The following TOP1MT variants were observed in gnomAD, a reference collection of about 807,000 sequenced individuals.
The protein encoded by TOP1MT is DNA topoisomerase I mitochondrial, also known as DNA topoisomerase I, mitochondrial.
Under a neutral mutation model 73.9 loss-of-function variants are expected in TOP1MT, and 80 were observed. The observed-to-expected ratio is 1.08, with a 90% CI of 0.90 to 1.30. The LOEUF (loss-of-function observed/expected upper bound fraction) is 1.30. Ranked by LOEUF, TOP1MT falls within the 50% of genes most tolerant of loss-of-function variation. The pLI is 0.00. For missense variants in TOP1MT, 815 were observed against 808.0 expected (o/e 1.01, Z -0.10); for synonymous variants, 338 against 326.4 (o/e 1.04, Z -0.38).
At chr8:143,324,243 CAGT>C (rs2130206473) in intron 6 of TOP1MT, 101 bp from the exon 7 acceptor site, 2 of 1,516,148 alleles carry the variant, frequency 1.3e-6, no homozygotes, top group Non-Finnish European at 1.8e-6. Context: ...CTTCTCCACT[CAGT>C]GGTGCCGTGG....
intron 12 of TOP1MT, among the ~76,000 whole-genome samples, chr8:143,312,201 T>C (rs1816031955): frequency 1.3e-5 from 2 of 152,204 alleles, no homozygotes; most frequent in Non-Finnish European, 2.9e-5. Flanking sequence ...TCATGAAATA[T>C]TAGATATTAT....
upstream of TOP1MT, chr8:143,359,146 G>GTAT: frequency 1.1e-6 from 1 of 885,638 alleles, no homozygotes. Flanking sequence ...CGGCCCTTAA[G>GTAT]TAGACTATTT....
intron 1 of TOP1MT, among the ~76,000 whole-genome samples, chr8:143,351,394 G>A (rs1215422340): frequency 2.0e-5 from 3 of 151,986 alleles, no homozygotes; most frequent in Non-Finnish European, 4.4e-5. Context: ...CCAACATGGC[G>A]AAACCCTGTC....
In TOP1MT at chr8:143,321,497, CACGCCA is replaced by C. The variant is rs1816357549; in HGVS notation, c.961-117_961-112del. On this transcript the variant is annotated intron_variant, in intron 7 of 13. Transcript: ENST00000329245. The stretch of plus-strand genomic sequence containing the variant: ...GCACGCCACACGCACGCCACACACG[CACGCCA>C]CACACACGCACTCCACACACGCACG... 33 of 725,650 alleles carry C rather than the reference CACGCCA, an allele frequency of 4.5e-5. 1 individual carries two copies. The highest frequency in any genetic ancestry group is 3.9e-5 in the Non-Finnish European group (19 of 487,074). The allele number at this position is 725,650 out of a possible 1,614,324, so 45.0% of individuals were successfully genotyped here. A position where few individuals can be genotyped will look rare whatever the true frequency, so the allele number is the denominator to read the frequency against.
At position 143,324,130 on chromosome 8, in the gene TOP1MT, A is replaced by G; in HGVS notation, c.829T>C (p.Trp277Arg). Residue 277 changes from tryptophan to arginine, a missense_variant, in exon 7 of 14, where the codon TGG becomes CGG. By Grantham distance (101) the Trp-to-Arg change is moderately radical. Around this residue, in one of 3 missense-constraint regions of TOP1MT, gnomAD observed 751 missense variants for 725.4 expected, o/e 1.04. Coordinates refer to ENST00000329245, the MANE Select transcript of TOP1MT (RefSeq NM_052963.3). ...PCSKLKGETA[W>R]QKFETARRLR... ...CGTCGAGCTGTTTCAAACTTCTGCC[A>G]AGCTGTCTCCCCCTAAACGAAGAAA... The G allele has an allele frequency of 6.2e-7, 1 of 1,613,726 alleles. No individual in the cohort carries two copies. Among genetic ancestry groups the G allele is most frequent in the East Asian group, 2.2e-5 (1 of 44,876 alleles).
chr8:143,319,450 C>A (rs1816268540), intron 8 of TOP1MT, among the ~76,000 whole-genome samples: 2 of 152,214 alleles, frequency 1.3e-5, no homozygotes, highest in Middle Eastern at 3.4e-3. Context: ...GTGGGCCTTG[C>A]GCCCAGCCTG....
At chr8:143,321,600 C>CTA in intron 7 of TOP1MT, among the ~76,000 whole-genome samples, 1 of 119,542 alleles carries the variant, frequency 8.4e-6, no homozygotes, top group Admixed American at 8.7e-5. Context: ...CGCACGCACG[C>CTA]CACACGCACG....
upstream of TOP1MT, chr8:143,334,923 C>CCCCCAGCGGCCAGCCCCGCCCCGA: frequency 7.7e-7 from 1 of 1,291,092 alleles, no homozygotes; most frequent in East Asian, 3.3e-5. Flanking sequence ...CCCCGCCCCG[C>CCCCCAGCGGCCAGCCCCGCCCCGA]CCCCAGCGGC....
chr8:143,357,236 C>T (rs971440102), upstream of TOP1MT, among the ~76,000 whole-genome samples: 3 of 151,120 alleles, frequency 2.0e-5, no homozygotes, highest in African/African-American at 7.3e-5. Context: ...ATAGGGAGAT[C>T]CCATCTCTAC....
At position 143,328,222 on chromosome 8, in the gene TOP1MT, C is replaced by G. The variant is rs1435205727; in HGVS notation, c.360+1128G>C. On this transcript the variant is annotated intron_variant, in intron 3 of 13. Transcript: ENST00000329245. Reference sequence around the variant, plus strand: ...AAAGACAGATTGATAAACGGCATAACTAAGTTACAGTTTTCTGTTTGGAGA... The same window carrying G: ...AAAGACAGATTGATAAACGGCATAAGTAAGTTACAGTTTTCTGTTTGGAGA... The G allele has an allele frequency of 4.4e-5, 20 of 455,996 alleles. No homozygotes were observed. In the East Asian group the frequency reaches 1.4e-3, roughly 32 times the overall value. The allele number at this position is 455,996 out of a possible 1,614,324, so 28.2% of individuals were successfully genotyped here.
intron 2 of TOP1MT, among the ~76,000 whole-genome samples, chr8:143,342,748 T>TTC (rs1464518137): frequency 2.3e-5 from 3 of 131,874 alleles, no homozygotes; most frequent in Non-Finnish European, 3.3e-5. Context: ...TCTCGCTCTG[T>TTC]TATTATTATT....
intron 1 of TOP1MT, 122 bp downstream of exon 1, chr8:143,334,618 C>A: frequency 7.0e-7 from 1 of 1,432,286 alleles, no homozygotes. Context: ...CTCTCCTGGC[C>A]CGACTTTTGG....
chr8:143,317,797 C>G lies in TOP1MT; in HGVS notation c.1256G>C (p.Gly419Ala). ...GGTCCGGAACACCTTGGCCGTCAGCCCGTCCATCAGCTCCTGGAGGTGCTT... is the reference window on the plus strand; with the variant it reads ...GGTCCGGAACACCTTGGCCGTCAGCGCGTCCATCAGCTCCTGGAGGTGCTT... ...LNKHLQELMD[G>A]LTAKVFRTYN... Residue 419 changes from glycine (G) to alanine (A), a missense_variant, in exon 10 of 14, where the codon GGG becomes GCG. Coordinates refer to ENST00000329245, the MANE Select transcript of TOP1MT (RefSeq NM_052963.3). The G allele has an allele frequency of 6.2e-7, 1 of 1,614,200 alleles. No individual in the cohort carries two copies. The highest frequency in any genetic ancestry group is 1.1e-5 in the South Asian group (1 of 91,088).
At chr8:143,358,579 CTT>C (rs1244881594), upstream of TOP1MT, 2 of 152,264 alleles carry the variant, frequency 1.3e-5, no homozygotes, top group African/African-American at 4.8e-5. Flanking sequence ...TTTGCTACCT[CTT>C]GAGAGCAACT....
intron 2 of TOP1MT, among the ~76,000 whole-genome samples, chr8:143,330,291 C>T (rs1347556036): frequency 6.6e-6 from 1 of 152,198 alleles, no homozygotes; most frequent in East Asian, 1.9e-4. Context: ...GCAGTCCTCG[C>T]CTGCCATGTC....
intron 4 of TOP1MT, among the ~76,000 whole-genome samples, chr8:143,325,901 T>C (rs1816695425): frequency 1.3e-5 from 2 of 152,158 alleles, no homozygotes; most frequent in South Asian, 2.1e-4. Flanking sequence ...TCCTGTTAGA[T>C]GTAGGGAGAC....
Position 143,321,318 on chromosome 8 carries a change from GA to G in TOP1MT, c.1028del (p.Leu343ProfsTer62). ...EAADTVGCCS[L>X]RVEHVQLHPE... Reference sequence around the variant, plus strand: ...GGTGCAGCTGGACGTGCTCCACGCGGAGGGAACAGCAGCCCACGGTGTCGGC... The same window carrying G: ...GGTGCAGCTGGACGTGCTCCACGCGGGGGAACAGCAGCCCACGGTGTCGGC... On this transcript the variant is annotated frameshift_variant, in exon 8 of 14. Coordinates refer to ENST00000329245, the MANE Select transcript of TOP1MT (RefSeq NM_052963.3). LOFTEE classifies it high-confidence loss of function. 5.6e-6 allele frequency: 9 copies of G among 1,611,572 alleles called. No homozygotes were observed. Among genetic ancestry groups the G allele is most frequent in the Non-Finnish European group, 7.6e-6 (9 of 1,178,442 alleles).
chr8:143,323,859 G>A (rs1381845987), intron 7 of TOP1MT, 140 bp downstream of exon 7: 3 of 901,498 alleles, frequency 3.3e-6, no homozygotes, highest in Non-Finnish European at 5.1e-6. Context: ...ACACACGTGT[G>A]CACATGCACA....
intron 1 of TOP1MT, among the ~76,000 whole-genome samples, chr8:143,333,063 G>GTT (rs1816903132): frequency 1.3e-5 from 2 of 152,192 alleles, no homozygotes; most frequent in South Asian, 4.1e-4. Flanking sequence ...TGCCCTGAAG[G>GTT]ATGCAAACCT....
Sources: gnomAD v4.1 joint callset for allele counts (sites outside exome capture counted in the v4.1 genomes callset) on GRCh38, gnomAD v4.1.1 for gene constraint, gnomAD v4.1.1 regional missense constraint, MANE v1.5 for transcripts, NCBI Gene and HGNC (gene_info 2026-07-23, HGNC 2026-07-21) for gene names.